Variants in ROCK1 observed in about 807,000 individuals in gnomAD.
The protein encoded by ROCK1 is Rho associated coiled-coil containing protein kinase 1, also known as rho-associated protein kinase 1.
ROCK1 carries 36 observed loss-of-function variants against 196.8 expected under a neutral mutation model. The observed-to-expected ratio is 0.18, with a 90% CI of 0.14 to 0.24. The LOEUF is 0.24. Ranked by LOEUF, ROCK1 falls within the 10% of genes least tolerant of loss-of-function variation. ROCK1 has a pLI of 1.00. For synonymous variants in ROCK1, 443 were observed against 515.9 expected, an observed-to-expected ratio of 0.86 and a Z score of 1.91; for missense variants, 920 against 1,562.0, an observed-to-expected ratio of 0.59 and a Z score of 6.93.
chr18:21,020,131 AACTT>A lies in ROCK1; in HGVS notation c.1361+16_1361+19del. The stretch of plus-strand genomic sequence containing the variant: ...GGTATATAAAACTTTTAATATGAAA[AACTT>A]AAAGTATATTCTCACCTGCACTTCT... On this transcript the variant is annotated intron_variant, in intron 12 of 32. Coordinates refer to ENST00000399799, the MANE Select transcript of ROCK1 (RefSeq NM_005406.3). 1 of 1,489,188 alleles carries A rather than the reference AACTT, an allele frequency of 6.7e-7. No individual in the cohort carries two copies. Among genetic ancestry groups the A allele is most frequent in the Non-Finnish European group, 9.2e-7 (1 of 1,084,724 alleles). The allele number at this position is 1,489,188 out of a possible 1,614,324, so 92.2% of individuals were successfully genotyped here.
intron 2 of ROCK1, among the ~76,000 whole-genome samples, chr18:21,062,887 T>G (rs772568539): frequency 5.3e-5 from 8 of 152,058 alleles, no homozygotes; most frequent in Non-Finnish European, 1.2e-4. Flanking sequence ...ATATAACAAG[T>G]ACTTACTATG....
At chr18:20,962,680 T>C (rs1487994976) in intron 27 of ROCK1, among the ~76,000 whole-genome samples, 1 of 152,170 alleles carries the variant, frequency 6.6e-6, no homozygotes, top group African/African-American at 2.4e-5. Flanking sequence ...CATTTGCTCA[T>C]ATTTAAATTA....
chr18:21,045,899 GTTTTTTTTTTT>G (rs34360056), intron 4 of ROCK1, among the ~76,000 whole-genome samples: 1,479 of 62,554 alleles, frequency 0.024, 53 homozygotes, highest in African/African-American at 0.098. Context: ...AGTTTCAGCT[GTTTTTTTTTTT>G]TTTTTTTTTT....
intron 2 of ROCK1, among the ~76,000 whole-genome samples, chr18:21,067,132 GT>G (rs2036341556): frequency 6.6e-6 from 1 of 152,066 alleles, no homozygotes; most frequent in African/African-American, 2.4e-5. Context: ...AGGTGTACTA[GT>G]ATCTTATTGT....
At chr18:21,019,215 G>T (rs1408140337) in intron 12 of ROCK1, among the ~76,000 whole-genome samples, 2 of 152,114 alleles carry the variant, frequency 1.3e-5, no homozygotes, top group African/African-American at 2.4e-5. Flanking sequence ...GTGCAACGGT[G>T]TGATCTCGAC....
intron 9 of ROCK1, among the ~76,000 whole-genome samples, chr18:21,029,751 A>G (rs1047916681): frequency 7.9e-5 from 12 of 152,148 alleles, no homozygotes; most frequent in African/African-American, 2.4e-4. Flanking sequence ...AATACTACTA[A>G]CATCTATTTT....
intron 2 of ROCK1, among the ~76,000 whole-genome samples, chr18:21,064,105 A>AT (rs569045489): frequency 1.3e-5 from 2 of 151,984 alleles, no homozygotes; most frequent in South Asian, 2.1e-4. Context: ...CAACTAAGTA[A>AT]TTTTTTTTAA....
At chr18:21,035,982 T>C (rs2036053940) in intron 9 of ROCK1, among the ~76,000 whole-genome samples, 1 of 152,204 alleles carries the variant, frequency 6.6e-6, no homozygotes, top group South Asian at 2.1e-4. Flanking sequence ...GTAGAGGTAA[T>C]AGTTTTAAGA....
intron 2 of ROCK1, among the ~76,000 whole-genome samples, chr18:21,055,938 C>A (rs1309781409): frequency 6.6e-6 from 1 of 152,190 alleles, no homozygotes; most frequent in Non-Finnish European, 1.5e-5. Flanking sequence ...CAATTCTCAG[C>A]CCTCATCTTG....
rs2035161634 is a variant in ROCK1, at chr18:20,949,504, T to G, written c.*1880A>C. 1 of 152,304 alleles carries G rather than the reference T, an allele frequency of 6.6e-6. No homozygotes were observed. Among genetic ancestry groups the G allele is most frequent in the African/African-American group, 2.4e-5 (1 of 41,480 alleles). The allele number at this position is 152,304 out of a possible 1,614,324, so 9.4% of individuals were successfully genotyped here. A position where few individuals can be genotyped will look rare whatever the true frequency, so the allele number is the denominator to read the frequency against. On this transcript the variant is annotated 3_prime_UTR_variant, in exon 33 of 33. Coordinates refer to ENST00000399799, the MANE Select transcript of ROCK1 (RefSeq NM_005406.3). The stretch of plus-strand genomic sequence containing the variant: ...TGCATCATAGGTGGGAGACGTTATC[T>G]TTATTATACTGGACAGTAAAAGAAC...
intron 1 of ROCK1, among the ~76,000 whole-genome samples, chr18:21,080,026 G>T (rs2036469817): frequency 6.6e-6 from 1 of 152,132 alleles, no homozygotes; most frequent in African/African-American, 2.4e-5. Flanking sequence ...CATCTAGAAA[G>T]AGAAGTGAGA....
chr18:21,095,962 A>G (rs1038306579), intron 1 of ROCK1, among the ~76,000 whole-genome samples: 1 of 151,804 alleles, frequency 6.6e-6, no homozygotes, highest in African/African-American at 2.4e-5. Flanking sequence ...TAATATATAC[A>G]CCTACTATGT....
At chr18:21,105,568 C>G (rs1029129808) in intron 1 of ROCK1, among the ~76,000 whole-genome samples, 14 of 152,172 alleles carry the variant, frequency 9.2e-5, no homozygotes, top group African/African-American at 3.4e-4. Context: ...TTCGAAAATG[C>G]TACCCAAAAT....
chr18:21,040,643 C>T (rs970620762), intron 8 of ROCK1, among the ~76,000 whole-genome samples: 1 of 152,098 alleles, frequency 6.6e-6, no homozygotes, highest in African/African-American at 2.4e-5. Context: ...GATTAGAAAA[C>T]CTCTCCATGG....
At chr18:21,027,432 A>C (rs1228965124) in intron 10 of ROCK1, among the ~76,000 whole-genome samples, 1 of 152,170 alleles carries the variant, frequency 6.6e-6, no homozygotes, top group East Asian at 1.9e-4. Flanking sequence ...AGCACACTAA[A>C]ATAATGTTAA....
At chr18:21,077,919 TA>T (rs1388969161) in intron 1 of ROCK1, among the ~76,000 whole-genome samples, 2 of 152,166 alleles carry the variant, frequency 1.3e-5, no homozygotes, top group Non-Finnish European at 2.9e-5. Context: ...GAATACAAGC[TA>T]AAGGAACCAA....
At chr18:21,082,945 CCAAAA>C (rs1416166668) in intron 1 of ROCK1, among the ~76,000 whole-genome samples, 1 of 152,178 alleles carries the variant, frequency 6.6e-6, no homozygotes, top group Middle Eastern at 3.4e-3. Flanking sequence ...TACACACACA[CCAAAA>C]CAAAACAAAA....
chr18:21,047,978 A>G (rs969162784), intron 4 of ROCK1, among the ~76,000 whole-genome samples: 3 of 152,210 alleles, frequency 2.0e-5, no homozygotes, highest in Non-Finnish European at 4.4e-5. Flanking sequence ...GACATTTTGC[A>G]TTAAGGATCC....
At chr18:20,978,010 A>C (rs2035495973) in intron 22 of ROCK1, among the ~76,000 whole-genome samples, 1 of 152,214 alleles carries the variant, frequency 6.6e-6, no homozygotes, top group East Asian at 1.9e-4. Flanking sequence ...AATTTAAGAT[A>C]ATATACAGCT....
Sources: gnomAD v4.1 joint callset for allele counts (sites outside exome capture counted in the v4.1 genomes callset) on GRCh38, gnomAD v4.1.1 for gene constraint, MANE v1.5 for transcripts, NCBI Gene and HGNC (gene_info 2026-07-23, HGNC 2026-07-21) for gene names.